NSFL1C: variants seen among roughly 807,000 people sequenced by gnomAD.
NSFL1C encodes NSFL1 cofactor.
In NSFL1C, 14 loss-of-function variants were observed where a neutral mutation model predicts 43.1. The ratio of observed to expected loss-of-function variants is 0.32; its 90% CI spans 0.21 to 0.51. The LOEUF (loss-of-function observed/expected upper bound fraction) is 0.51, where lower values mean the gene tolerates loss of function less well. Among genes scored for constraint, NSFL1C ranks in the 20% least tolerant of loss-of-function variants. The pLI, the probability that NSFL1C is intolerant of heterozygous loss-of-function variation, is 0.98. For synonymous variants in NSFL1C, 171 were observed against 183.5 expected (o/e 0.93, Z 0.55); for missense variants, 406 against 472.5 (o/e 0.86, Z 1.30).
At position 1,454,243 on chromosome 20, in the gene NSFL1C, T is replaced by C. The variant is rs8119357; in HGVS notation, c.507A>G (p.Ala169=). ...GGCTGGAATGCTGCCTCTTTTCTCC[T>C]GCCACATAGGCAGACTCTTCCTCTG... ...AAPEEESAYV[A]GEKRQHSSQD... Residue 169 remains alanine, a synonymous_variant, in exon 5 of 9, where the codon GCA becomes GCG. Coordinates refer to ENST00000216879, the MANE Select transcript of NSFL1C (RefSeq NM_016143.5). 1,550 of 1,613,208 alleles carry C rather than the reference T, an allele frequency of 9.6e-4. 9 individuals are homozygous for C. In the African/African-American group the frequency reaches 0.014, roughly 14 times the overall value.
chr20:1,458,701 A>T (rs570583347), intron 2 of NSFL1C, among the ~76,000 whole-genome samples: 1 of 152,156 alleles, frequency 6.6e-6, no homozygotes, highest in Non-Finnish European at 1.5e-5. Flanking sequence ...ACCAACTGCC[A>T]AAGAACTAGT....
intron 6 of NSFL1C, 40 bp from the exon 7 acceptor site, chr20:1,452,670 G>C: frequency 6.2e-7 from 1 of 1,610,584 alleles, no homozygotes; most frequent in Non-Finnish European, 8.5e-7. Flanking sequence ...ACAGAGAGAA[G>C]ATGGAAATGA....
At chr20:1,461,946 C>T (rs1004592719) in intron 2 of NSFL1C, among the ~76,000 whole-genome samples, 2 of 152,200 alleles carry the variant, frequency 1.3e-5, no homozygotes, top group Non-Finnish European at 2.9e-5. Context: ...TTATGTCTGT[C>T]AGCCCTTTGA....
Position 1,458,182 on chromosome 20 carries a change from C to G in NSFL1C, c.278+18G>C. 2 of 1,606,652 alleles carry G rather than the reference C, an allele frequency of 1.2e-6. No individual in the cohort carries two copies. The highest frequency in any genetic ancestry group is 1.7e-6 in the Non-Finnish European group (2 of 1,173,350). ...CTTCCCTGTGAACTGTCCCCCTGAC[C>G]CCCTCTAGAAGACTCACCTCTGGCC... On this transcript the variant is annotated intron_variant, in intron 3 of 8. Coordinates refer to ENST00000216879, the MANE Select transcript of NSFL1C (RefSeq NM_016143.5).
At chr20:1,452,691 A>G in intron 6 of NSFL1C, 61 bp from the exon 7 acceptor site, 2 of 1,597,822 alleles carry the variant, frequency 1.3e-6, no homozygotes, top group Admixed American at 3.4e-5. Context: ...CAGTGATGGG[A>G]AAAGGGGAGA....
At position 1,453,154 on chromosome 20, in the gene NSFL1C, G is replaced by C. The variant is rs778793051; in HGVS notation, c.538-14C>G. ...TACTACATGAACCTGTGATGACAGG[G>C]AGTAAACAGTTACCAGGGATCTGGC... is the stretch of plus-strand genomic sequence containing the variant. On this transcript the variant is annotated splice_polypyrimidine_tract_variant and intron_variant, in intron 5 of 8. Coordinates refer to ENST00000216879, the MANE Select transcript of NSFL1C (RefSeq NM_016143.5). The C allele has an allele frequency of 4.9e-6, 7 of 1,428,784 alleles. No homozygotes were observed. The highest frequency in any genetic ancestry group is 1.1e-5 in the South Asian group (1 of 87,266). 88.5% of individuals were successfully genotyped at this position (1,428,784 alleles called of 1,614,324 possible). A position where few individuals can be genotyped will look rare whatever the true frequency, so the allele number is the denominator to read the frequency against.
At chr20:1,464,482 A>T in intron 1 of NSFL1C, 56 bp from the exon 2 acceptor site, 2 of 1,409,280 alleles carry the variant, frequency 1.4e-6, no homozygotes, top group Admixed American at 1.7e-5. Flanking sequence ...CCTAACGCAC[A>T]TCTCCTTTGA....
intron 2 of NSFL1C, among the ~76,000 whole-genome samples, chr20:1,461,003 T>A (rs1248267898): frequency 2.0e-5 from 3 of 152,196 alleles, no homozygotes; most frequent in Non-Finnish European, 4.4e-5. Flanking sequence ...TCGCCTTGAA[T>A]CTGTGGTAAC....
chr20:1,453,249 CACAT>C, intron 5 of NSFL1C, 109 bp from the exon 6 acceptor site: 1 of 686,320 alleles, frequency 1.5e-6, no homozygotes, highest in Non-Finnish European at 2.6e-6. Flanking sequence ...TATTAAAACA[CACAT>C]AGAGACACAC....
intron 2 of NSFL1C, among the ~76,000 whole-genome samples, chr20:1,461,068 G>C (rs543318688): frequency 6.6e-6 from 1 of 152,124 alleles, no homozygotes; most frequent in Non-Finnish European, 1.5e-5. Context: ...CCAGCGAAAT[G>C]GTAAGCACCT....
intron 3 of NSFL1C, chr20:1,455,964 T>C: frequency 1.8e-6 from 1 of 569,064 alleles, no homozygotes; most frequent in South Asian, 2.1e-5. Flanking sequence ...CAGGCATGGC[T>C]TGAGATAATA....
chr20:1,444,077 T>C (rs1426786988), intron 8 of NSFL1C, among the ~76,000 whole-genome samples, 166 bp from the exon 9 acceptor site: 1 of 152,232 alleles, frequency 6.6e-6, no homozygotes, highest in East Asian at 1.9e-4. Flanking sequence ...CCAAGAGTCC[T>C]TCACTGTTGT....
At chr20:1,450,638 C>A (rs2122854312) in intron 7 of NSFL1C, among the ~76,000 whole-genome samples, 1 of 152,290 alleles carries the variant, frequency 6.6e-6, no homozygotes, top group African/African-American at 2.4e-5. Context: ...CTGAGCCCTC[C>A]CTTGTAACTG....
In NSFL1C at chr20:1,452,581, A is replaced by G. The variant is rs201141667; in HGVS notation, c.697T>C (p.Leu233=). Residue 233 remains leucine, a synonymous_variant, in exon 7 of 9, where the codon TTG becomes CTG. Coordinates refer to ENST00000216879, the MANE Select transcript of NSFL1C (RefSeq NM_016143.5). ...RRLAHGGQVN[L]DMEDHRDEDF... is the part of the protein sequence containing the mutation. ...TCGTCCCGATGGTCCTCCATATCCA[A>G]GTTCACCTGTCCACCGTGAGCTAGC... is the stretch of plus-strand genomic sequence containing the variant. 1 of 1,614,134 alleles carries G rather than the reference A, an allele frequency of 6.2e-7. No homozygotes were observed. The highest frequency in any genetic ancestry group is 8.5e-7 in the Non-Finnish European group (1 of 1,180,012).
Position 1,454,283 on chromosome 20 carries a change from C to A in NSFL1C, c.467G>T (p.Arg156Leu). Residue 156 changes from arginine (R) to leucine (L), a missense_variant, in exon 5 of 9, where the codon CGC becomes CTC. Coordinates refer to ENST00000216879, the MANE Select transcript of NSFL1C (RefSeq NM_016143.5). ...CTCTTCCTCTGGTGCTGCCCCAAGG[C>A]GGTAGCCACCTCCTGCAAATGGCTA... ...KPRPFAGGGY[R>L]LGAAPEEESA... 2.5e-6 allele frequency: 4 copies of A among 1,612,490 alleles called. No individual in the cohort carries two copies. The highest frequency in any genetic ancestry group is 1.7e-6 in the Non-Finnish European group (2 of 1,179,962).
At position 1,452,602 on chromosome 20, in the gene NSFL1C, C is replaced by T. The variant is rs2090205794; in HGVS notation, c.676G>A (p.Ala226Thr). 1.9e-6 allele frequency: 3 copies of T among 1,614,068 alleles called. No individual in the cohort carries two copies. Among genetic ancestry groups the T allele is most frequent in the Non-Finnish European group, 1.7e-6 (2 of 1,180,046 alleles). The change falls in exon 7 of 9, where the codon GCT becomes ACT. Residue 226 changes from alanine to threonine, a missense_variant. Ala to Thr is a moderately conservative substitution (Grantham distance 58, BLOSUM62 0). This residue lies in a region of NSFL1C where 196 missense variants were observed against 228.0 expected (regional missense o/e 0.86). Transcript: ENST00000216879. ...GEVPAELRRL[A>T]HGGQVNLDME... ...TCCAAGTTCACCTGTCCACCGTGAGCTAGCCTCCGAAGCTCTGCTGGCACC... is the reference window on the plus strand; with the variant it reads ...TCCAAGTTCACCTGTCCACCGTGAGTTAGCCTCCGAAGCTCTGCTGGCACC...
In NSFL1C at chr20:1,452,540, G is replaced by T. The variant is rs200390864; in HGVS notation, c.738C>A (p.Pro246=). 1.1e-5 allele frequency: 18 copies of T among 1,614,164 alleles called. No individual in the cohort carries two copies. In the East Asian group the frequency reaches 4.0e-4, roughly 36 times the overall value. ...EDHRDEDFVK[P]KGAFKAFTGE... ...CAGTGAAGGCTTTGAAGGCTCCTTT[G>T]GGCTTCACAAAGTCCTCGTCCCGAT... Residue 246 remains proline (P), a synonymous_variant, in exon 7 of 9, where the codon CCC becomes CCA. Transcript: ENST00000216879.
chr20:1,448,830 G>A (rs1297356479), intron 7 of NSFL1C, among the ~76,000 whole-genome samples: 5 of 152,122 alleles, frequency 3.3e-5, no homozygotes, highest in African/African-American at 1.2e-4. Context: ...TATACAATCC[G>A]AGCTATTTGG....
rs371960846 is a variant in NSFL1C, at chr20:1,462,908, A to G, written c.203+1421T>C. ...CAATTGAGAATGAATGCTAAAAATG[A>G]TAATACTAAAATTATAATAACAACA... On this transcript the variant is annotated intron_variant, in intron 2 of 8. Transcript: ENST00000216879. 6.0e-3 allele frequency among the ~76,000 whole-genome samples: 883 copies of G among 146,478 alleles called. 11 individuals carry two copies. The highest frequency in any genetic ancestry group is 0.024 in the African/African-American group (855 of 36,046).
Sources: gnomAD v4.1 joint callset for allele counts (sites outside exome capture counted in the v4.1 genomes callset) on GRCh38, gnomAD v4.1.1 for gene constraint, gnomAD v4.1.1 regional missense constraint, MANE v1.5 for transcripts, NCBI Gene and HGNC (gene_info 2026-07-23, HGNC 2026-07-21) for gene names.